Variants in YAP1 observed in about 807,000 individuals in gnomAD.
The protein encoded by YAP1 is transcriptional coactivator YAP1.
A neutral mutation model predicts 56.9 loss-of-function variants in YAP1; 5 were observed. That is an observed-to-expected ratio of 0.09 (90% CI 0.05 to 0.18). YAP1 has a LOEUF of 0.18. YAP1 is among the 10% of genes least tolerant of loss of function. YAP1 has a pLI of 1.00. For synonymous variants in YAP1, 265 were observed against 248.1 expected, an observed-to-expected ratio of 1.07 and a Z score of -0.64; for missense variants, 539 against 651.8, an observed-to-expected ratio of 0.83 and a Z score of 1.88.
chr11:102,117,276 T>C (rs1441136944), intron 2 of YAP1, among the ~76,000 whole-genome samples: 2 of 152,210 alleles, frequency 1.3e-5, no homozygotes, highest in Non-Finnish European at 2.9e-5. Context: ...AGAGGAGTGT[T>C]GTTGTCATCA....
intron 2 of YAP1, among the ~76,000 whole-genome samples, chr11:102,115,598 TC>T: frequency 8.4e-6 from 1 of 118,850 alleles, no homozygotes; most frequent in South Asian, 3.2e-4. Context: ...TTTCTTTTCT[TC>T]TTTTTTTTTA....
intron 2 of YAP1, among the ~76,000 whole-genome samples, chr11:102,115,583 TTTC>T (rs1018655661): frequency 4.0e-4 from 59 of 145,874 alleles, no homozygotes; most frequent in African/African-American, 1.4e-3. Flanking sequence ...CCTGCAACTT[TTTC>T]TTTTCTTTTC....
chr11:102,187,047 C>T (rs1048856073), intron 4 of YAP1, among the ~76,000 whole-genome samples: 1 of 152,070 alleles, frequency 6.6e-6, no homozygotes, highest in Non-Finnish European at 1.5e-5. Context: ...CAGGGTTTGA[C>T]CTAACAACAA....
chr11:102,122,895 C>CAGAAAAAAA (rs1943758266), intron 2 of YAP1, among the ~76,000 whole-genome samples: 1 of 79,448 alleles, frequency 1.3e-5, no homozygotes, highest in Non-Finnish European at 2.4e-5. Context: ...AGACTTCTCT[C>CAGAAAAAAA]AAAAAAAAAA....
intron 2 of YAP1, among the ~76,000 whole-genome samples, chr11:102,115,687 TG>T (rs1251341247): frequency 2.0e-5 from 3 of 152,066 alleles, no homozygotes; most frequent in African/African-American, 7.3e-5. Context: ...GGCCTGAGAC[TG>T]GAAAGTACAC....
intron 2 of YAP1, among the ~76,000 whole-genome samples, chr11:102,128,133 CTT>C (rs1944146917): frequency 6.6e-6 from 1 of 152,044 alleles, no homozygotes; most frequent in South Asian, 2.1e-4. Flanking sequence ...ATGAGTAAGA[CTT>C]TGGGGGAACT....
chr11:102,181,643 T>C lies in YAP1; in HGVS notation c.689-4375T>C, dbSNP rs148861613. 6.5e-3 allele frequency among the ~76,000 whole-genome samples: 996 copies of C among 152,258 alleles called. 16 individuals are homozygous for C. The highest frequency in any genetic ancestry group is 0.023 in the African/African-American group (964 of 41,534). The stretch of plus-strand genomic sequence containing the variant: ...AAAAACGTACTGCCCTTGTGGTGCC[T>C]GTTTTGTCATGGTAGATTTGCCTAA... On this transcript the variant is annotated intron_variant, in intron 3 of 8. Coordinates refer to ENST00000282441, the MANE Select transcript of YAP1 (RefSeq NM_001130145.3).
chr11:102,219,746 T>G (rs986818705), intron 6 of YAP1, among the ~76,000 whole-genome samples: 2 of 151,416 alleles, frequency 1.3e-5, no homozygotes, highest in Non-Finnish European at 2.9e-5. Context: ...GATGACCTGG[T>G]TTTTTTTGTT....
At chr11:102,148,045 G>A (rs1945421462) in intron 2 of YAP1, among the ~76,000 whole-genome samples, 1 of 152,132 alleles carries the variant, frequency 6.6e-6, no homozygotes. Context: ...CATTGTGTTA[G>A]CTTTATGACT....
chr11:102,189,326 T>C (rs1340601663), intron 4 of YAP1, among the ~76,000 whole-genome samples: 2 of 152,156 alleles, frequency 1.3e-5, no homozygotes, highest in African/African-American at 2.4e-5. Context: ...AATGAAATTA[T>C]AATTGCTGTT....
At chr11:102,139,879 T>G (rs1944905946) in intron 2 of YAP1, among the ~76,000 whole-genome samples, 1 of 152,200 alleles carries the variant, frequency 6.6e-6, no homozygotes, top group Admixed American at 6.5e-5. Flanking sequence ...GAGCTTTTTT[T>G]TTAAATGGTG....
intron 2 of YAP1, among the ~76,000 whole-genome samples, chr11:102,137,216 C>T (rs1365645284): frequency 6.6e-6 from 1 of 152,200 alleles, no homozygotes; most frequent in East Asian, 1.9e-4. Context: ...AGGCAAGTCA[C>T]ATAAACTCTC....
intron 6 of YAP1, among the ~76,000 whole-genome samples, chr11:102,209,844 A>G (rs953628207): frequency 3.0e-4 from 46 of 152,196 alleles, no homozygotes; most frequent in African/African-American, 1.1e-3. Context: ...TCAGTTGTAC[A>G]TCCTATCAGC....
chr11:102,186,989 A>G (rs1283850345), intron 4 of YAP1, among the ~76,000 whole-genome samples: 2 of 152,178 alleles, frequency 1.3e-5, no homozygotes, highest in African/African-American at 4.8e-5. Flanking sequence ...CAATGTGCAG[A>G]TCACTGAATA....
At chr11:102,118,878 G>A (rs1160161152) in intron 2 of YAP1, among the ~76,000 whole-genome samples, 1 of 151,844 alleles carries the variant, frequency 6.6e-6, no homozygotes, top group African/African-American at 2.4e-5. Context: ...CTCTTTAAAA[G>A]GAAGTTTCAT....
chr11:102,154,292 A>G (rs1005544313), intron 2 of YAP1, among the ~76,000 whole-genome samples: 12 of 152,178 alleles, frequency 7.9e-5, no homozygotes, highest in African/African-American at 2.9e-4. Flanking sequence ...TGATTATACC[A>G]CAACTGTGTT....
chr11:102,186,163 C>T, intron 4 of YAP1, 32 bp downstream of exon 4: 1 of 1,600,670 alleles, frequency 6.2e-7, no homozygotes, highest in Non-Finnish European at 8.5e-7. Context: ...TTTTTAGATG[C>T]TTTTGGTTGC....
intron 4 of YAP1, among the ~76,000 whole-genome samples, chr11:102,188,516 C>T (rs1264473003): frequency 1.3e-5 from 2 of 152,168 alleles, no homozygotes; most frequent in African/African-American, 2.4e-5. Flanking sequence ...TTTCAGTCAG[C>T]GGCAGACCAC....
At chr11:102,203,335 T>A (rs1948969294) in intron 4 of YAP1, among the ~76,000 whole-genome samples, 1 of 152,224 alleles carries the variant, frequency 6.6e-6, no homozygotes, top group Non-Finnish European at 1.5e-5. Context: ...ACAAGCCAAT[T>A]GTAAAAATAA....
Sources: allele counts gnomAD v4.1 joint callset (sites outside exome capture counted in the v4.1 genomes callset), GRCh38; gene constraint gnomAD v4.1.1; transcripts MANE v1.5; gene names NCBI Gene and HGNC (gene_info 2026-07-23, HGNC 2026-07-21).